The following GNB1 variants were observed in gnomAD, a reference collection of about 807,000 sequenced individuals.
The protein encoded by GNB1 is G protein subunit beta 1, also known as guanine nucleotide-binding protein G(I)/G(S)/G(T) subunit beta-1.
A neutral mutation model predicts 42.9 loss-of-function variants in GNB1; 2 were observed. The ratio of observed to expected loss-of-function variants is 0.05; its 90% CI spans 0.02 to 0.15. The LOEUF is 0.15. Ranked by LOEUF, GNB1 falls within the 10% of genes least tolerant of loss-of-function variation. The probability of loss-of-function intolerance (pLI) is 1.00; values close to 1 mark genes in which losing one functional copy is unlikely to be tolerated. For missense variants in GNB1, 193 were observed against 462.2 expected (o/e 0.42, Z 5.34); for synonymous variants, 183 against 174.7 (o/e 1.05, Z -0.38).
chr1:1,815,263 C>T lies in GNB1; in HGVS notation c.203+493G>A, dbSNP rs931078118. Reference sequence around the variant, plus strand: ...TCACAGCGCATTCCCGTGTGTCTGCCGCAGCAAAGCACACACAGCACAATG... The same window carrying T: ...TCACAGCGCATTCCCGTGTGTCTGCTGCAGCAAAGCACACACAGCACAATG... On this transcript the variant is annotated intron_variant, in intron 5 of 11. Transcript: ENST00000378609. 1.3e-4 allele frequency among the ~76,000 whole-genome samples: 20 copies of T among 152,152 alleles called. 1 individual carries two copies. The East Asian group carries it at 3.3e-3, about 25-fold the overall frequency.
intron 1 of GNB1, among the ~76,000 whole-genome samples, chr1:1,883,697 G>A (rs906000811): frequency 5.9e-5 from 9 of 152,214 alleles, no homozygotes; most frequent in African/African-American, 4.8e-5. Context: ...GGCAGGCTCA[G>A]GGAGGACAGA....
chr1:1,886,304 T>A (rs1650153455), intron 1 of GNB1, among the ~76,000 whole-genome samples: 1 of 151,996 alleles, frequency 6.6e-6, no homozygotes, highest in Non-Finnish European at 1.5e-5. Context: ...GGTGGCTGAG[T>A]GGGACTCTGT....
At chr1:1,798,626 G>A (rs1434688586) in intron 7 of GNB1, among the ~76,000 whole-genome samples, 1 of 152,248 alleles carries the variant, frequency 6.6e-6, no homozygotes, top group Non-Finnish European at 1.5e-5. Context: ...AAAGCTCTAA[G>A]AGCAAGCGTT....
intron 2 of GNB1, among the ~76,000 whole-genome samples, chr1:1,833,187 G>A (rs780828887): frequency 6.6e-6 from 1 of 152,138 alleles, no homozygotes; most frequent in Non-Finnish European, 1.5e-5. Flanking sequence ...CGGCCCCAGT[G>A]TCTTACACCG....
chr1:1,814,797 C>CAAAAAAAAAAA (rs66588627), intron 5 of GNB1, among the ~76,000 whole-genome samples: 75 of 77,422 alleles, frequency 9.7e-4, no homozygotes, highest in African/African-American at 1.9e-3. Flanking sequence ...GACCCTGTCT[C>CAAAAAAAAAAA]AAAAAAAAAA....
chr1:1,857,079 G>A (rs1020058630), intron 1 of GNB1, among the ~76,000 whole-genome samples: 23 of 152,118 alleles, frequency 1.5e-4, no homozygotes, highest in African/African-American at 5.3e-4. Flanking sequence ...AGCCTTAATG[G>A]GAAATTTGGT....
chr1:1,886,421 T>C (rs1650160185), intron 1 of GNB1, among the ~76,000 whole-genome samples: 1 of 152,246 alleles, frequency 6.6e-6, no homozygotes. Context: ...TGCATAGCTT[T>C]GAAATAGGTG....
intron 7 of GNB1, 112 bp downstream of exon 7, chr1:1,804,306 AT>A (rs1557889688): frequency 3.6e-5 from 27 of 757,852 alleles, no homozygotes; most frequent in East Asian, 8.5e-5. Flanking sequence ...CTCAAAAAAA[AT>A]AATTAATTAA....
Position 1,851,692 on chromosome 1 carries a change from G to T in GNB1, c.-95-12454C>A, listed in dbSNP as rs1419075419. Reference sequence around the variant, plus strand: ...TTCACATGAAGATGCAAACAGTCTTGCAGGCTACCATGAGGACAAGCCTTT... The same window carrying T: ...TTCACATGAAGATGCAAACAGTCTTTCAGGCTACCATGAGGACAAGCCTTT... On this transcript the variant is annotated intron_variant, in intron 1 of 11. Coordinates refer to ENST00000378609, the MANE Select transcript of GNB1 (RefSeq NM_002074.5). 3.9e-5 allele frequency among the ~76,000 whole-genome samples: 6 copies of T among 152,212 alleles called. 1 individual carries two copies. Among genetic ancestry groups the T allele is most frequent in the Non-Finnish European group, 7.3e-5 (5 of 68,038 alleles).
At chr1:1,888,609 G>T (rs909114524) in intron 1 of GNB1, among the ~76,000 whole-genome samples, 7 of 152,132 alleles carry the variant, frequency 4.6e-5, no homozygotes, top group African/African-American at 1.7e-4. Flanking sequence ...AGATCAAGGC[G>T]GGTGAATCAC....
intron 1 of GNB1, among the ~76,000 whole-genome samples, chr1:1,857,723 A>C (rs1182723710): frequency 6.6e-6 from 1 of 152,192 alleles, no homozygotes; most frequent in African/African-American, 2.4e-5. Context: ...AGGGGATGCC[A>C]GATAAACTGT....
chr1:1,816,490 A>AT lies in GNB1; in HGVS notation c.97-629dup, dbSNP rs888174774. Among the ~76,000 whole-genome samples, 11 of 151,726 alleles carry AT rather than the reference A, an allele frequency of 7.2e-5. No homozygotes were observed. In the East Asian group the frequency reaches 1.9e-3, roughly 27 times the overall value. On this transcript the variant is annotated intron_variant, in intron 4 of 11. Transcript: ENST00000378609. Reference sequence around the variant, plus strand: ...AATTCAGGTAATTCTATGTAGCCTAATTTTTTTTTCTTTAACTTACAATTT... The same window carrying AT: ...AATTCAGGTAATTCTATGTAGCCTAATTTTTTTTTTCTTTAACTTACAATTT...
At position 1,885,884 on chromosome 1, in the gene GNB1, C is replaced by G. The variant is rs570135517; in HGVS notation, c.-96+4936G>C. Among the ~76,000 whole-genome samples the G allele has an allele frequency of 1.8e-4, 26 of 146,406 alleles. No homozygotes were observed. In the East Asian group the frequency reaches 3.8e-3, roughly 21 times the overall value. On this transcript the variant is annotated intron_variant, in intron 1 of 11. Transcript: ENST00000378609. ...ACTTAATCTTAAAAAAAAAAAAAAG[C>G]AAGCAAGCAACATTGCTCTATAAAA...
intron 1 of GNB1, among the ~76,000 whole-genome samples, chr1:1,877,369 A>G (rs1649608360): frequency 6.6e-6 from 1 of 151,396 alleles, no homozygotes; most frequent in Non-Finnish European, 1.5e-5. Flanking sequence ...TCCGAGGAAA[A>G]ACATCTCTAT....
chr1:1,824,262 A>G (rs995856369), intron 3 of GNB1, among the ~76,000 whole-genome samples: 6 of 152,206 alleles, frequency 3.9e-5, no homozygotes, highest in Non-Finnish European at 2.9e-5. Flanking sequence ...TTCTCTATAA[A>G]ATATTTACTA....
intron 1 of GNB1, 38 bp downstream of exon 1, chr1:1,890,782 C>G (rs1240623691): frequency 6.7e-6 from 1 of 148,346 alleles, no homozygotes; most frequent in Non-Finnish European, 1.5e-5. Context: ...GGTGGACGAA[C>G]AGGACCCGGG....
chr1:1,870,629 G>T (rs928173117), intron 1 of GNB1, among the ~76,000 whole-genome samples: 3 of 152,188 alleles, frequency 2.0e-5, no homozygotes, highest in East Asian at 1.9e-4. Context: ...ATTACAGTAA[G>T]AATAATCATC....
At chr1:1,878,957 CT>C (rs1649693315) in intron 1 of GNB1, among the ~76,000 whole-genome samples, 1 of 152,370 alleles carries the variant, frequency 6.6e-6, no homozygotes, top group South Asian at 2.1e-4. Context: ...TCTGTGGGTT[CT>C]GCGACACTAG....
At chr1:1,886,024 C>T (rs539643079) in intron 1 of GNB1, among the ~76,000 whole-genome samples, 46 of 151,800 alleles carry the variant, frequency 3.0e-4, no homozygotes, top group East Asian at 3.9e-4. Context: ...AAGCTTTCAG[C>T]ATTCCGGCAG....
Sources: allele counts gnomAD v4.1 joint callset (sites outside exome capture counted in the v4.1 genomes callset), GRCh38; gene constraint gnomAD v4.1.1; transcripts MANE v1.5; gene names NCBI Gene and HGNC (gene_info 2026-07-23, HGNC 2026-07-21).